The following NRG1 variants were observed in gnomAD, a reference collection of about 807,000 sequenced individuals.
NRG1 encodes the protein pro-neuregulin-1, membrane-bound isoform.
In NRG1, 18 loss-of-function variants were observed where a neutral mutation model predicts 63.8. That is an observed-to-expected ratio of 0.28 (90% CI 0.19 to 0.42). The LOEUF is 0.42. Ranked by LOEUF, NRG1 falls within the 10% of genes least tolerant of loss-of-function variation. NRG1 has a pLI of 1.00. For missense variants in NRG1, 762 were observed against 814.7 expected, an observed-to-expected ratio of 0.94 and a Z score of 0.79; for synonymous variants, 302 against 301.3, an observed-to-expected ratio of 1.00 and a Z score of -0.02.
intron 7 of NRG1, among the ~76,000 whole-genome samples, chr8:32,748,339 G>GCACACACACA (rs879033032): frequency 7.8e-6 from 1 of 128,356 alleles, no homozygotes; most frequent in African/African-American, 2.8e-5. Flanking sequence ...GCGCGCGCGC[G>GCACACACACA]CACACACACA....
chr8:32,271,780 C>T (rs1170874186), intron 1 of NRG1, among the ~76,000 whole-genome samples: 1 of 152,160 alleles, frequency 6.6e-6, no homozygotes, highest in African/African-American at 2.4e-5. Context: ...GTGTCCCTTA[C>T]TCTACAATCA....
chr8:32,462,274 C>T (rs549381143), intron 1 of NRG1, among the ~76,000 whole-genome samples: 3 of 152,158 alleles, frequency 2.0e-5, no homozygotes, highest in Admixed American at 6.5e-5. Flanking sequence ...TGAGTGACAA[C>T]AGTGCAGTAG....
At chr8:32,620,729 G>A (rs1166742971) in intron 5 of NRG1, among the ~76,000 whole-genome samples, 1 of 151,896 alleles carries the variant, frequency 6.6e-6, no homozygotes. Context: ...GGCTGAGGTG[G>A]GAGGATCACC....
At chr8:31,958,109 TTG>T (rs558121293) in intron 1 of NRG1, among the ~76,000 whole-genome samples, 1 of 127,824 alleles carries the variant, frequency 7.8e-6, no homozygotes, top group Non-Finnish European at 1.8e-5. Context: ...GCAGAGATGT[TTG>T]TGTGTGTGTT....
chr8:31,659,488 G>A (rs1255296418), intron 1 of NRG1, among the ~76,000 whole-genome samples: 2 of 152,074 alleles, frequency 1.3e-5, no homozygotes, highest in Non-Finnish European at 2.9e-5. Context: ...CCCCAGGGGC[G>A]AGGGGGGATA....
intron 1 of NRG1, among the ~76,000 whole-genome samples, chr8:32,342,461 A>G (rs1804194715): frequency 6.6e-6 from 1 of 152,088 alleles, no homozygotes; most frequent in Admixed American, 6.6e-5. Context: ...TACATTTCCT[A>G]CTGTTGTTAT....
At chr8:32,386,711 G>T (rs1811071803) in intron 1 of NRG1, among the ~76,000 whole-genome samples, 1 of 152,204 alleles carries the variant, frequency 6.6e-6, no homozygotes, top group Non-Finnish European at 1.5e-5. Context: ...GCCTGGAGAA[G>T]TAAGGAAGAC....
intron 1 of NRG1, among the ~76,000 whole-genome samples, chr8:32,168,953 C>T (rs1839693218): frequency 6.6e-6 from 1 of 152,156 alleles, no homozygotes; most frequent in Non-Finnish European, 1.5e-5. Context: ...TTTGAAGCCT[C>T]CCATCTAATG....
chr8:31,838,652 C>G (rs1037276228), intron 1 of NRG1, among the ~76,000 whole-genome samples: 1 of 152,150 alleles, frequency 6.6e-6, no homozygotes, highest in Non-Finnish European at 1.5e-5. Flanking sequence ...CTTTTACCAT[C>G]TATAATTTAG....
At chr8:32,196,378 A>C (rs1842954146) in intron 1 of NRG1, among the ~76,000 whole-genome samples, 1 of 152,176 alleles carries the variant, frequency 6.6e-6, no homozygotes, top group Non-Finnish European at 1.5e-5. Flanking sequence ...TGAGAGCTGC[A>C]GGCTGTCTTC....
intron 5 of NRG1, among the ~76,000 whole-genome samples, chr8:32,693,213 T>A (rs1308973994): frequency 1.3e-5 from 2 of 148,900 alleles, no homozygotes; most frequent in Non-Finnish European, 3.0e-5. Context: ...TATGGGTCAC[T>A]CTTTTTTTTT....
At chr8:31,831,400 G>T (rs1825149534) in intron 1 of NRG1, among the ~76,000 whole-genome samples, 1 of 151,654 alleles carries the variant, frequency 6.6e-6, no homozygotes, top group Non-Finnish European at 1.5e-5. Context: ...ACCGTGCCCA[G>T]CCCACATTCT....
At chr8:32,311,834 A>G (rs915843057) in intron 1 of NRG1, among the ~76,000 whole-genome samples, 3 of 152,218 alleles carry the variant, frequency 2.0e-5, no homozygotes, top group African/African-American at 4.8e-5. Flanking sequence ...GCTGCCCAGT[A>G]GAGAGGAAAG....
chr8:32,329,855 G>A (rs1016745225), intron 1 of NRG1, among the ~76,000 whole-genome samples: 1 of 94,882 alleles, frequency 1.1e-5, no homozygotes, highest in Admixed American at 9.6e-5. Context: ...TTAGGTTTTG[G>A]GGGGTTTTGG....
intron 1 of NRG1, among the ~76,000 whole-genome samples, chr8:32,210,212 T>C (rs1351719361): frequency 2.0e-5 from 3 of 152,168 alleles, no homozygotes; most frequent in East Asian, 1.9e-4. Flanking sequence ...TTTGTGTTTG[T>C]TTTTTGTTTT....
chr8:31,972,790 T>C (rs374831994), intron 1 of NRG1, among the ~76,000 whole-genome samples: 32 of 152,188 alleles, frequency 2.1e-4, no homozygotes, highest in African/African-American at 7.7e-4. Flanking sequence ...GCCATAACAG[T>C]GTGATTCTAC....
At chr8:32,070,661 C>G (rs969315291) in intron 1 of NRG1, among the ~76,000 whole-genome samples, 1 of 152,168 alleles carries the variant, frequency 6.6e-6, no homozygotes, top group Non-Finnish European at 1.5e-5. Flanking sequence ...CTCTCTGTTC[C>G]CATCTGTATC....
At chr8:31,868,715 G>A (rs1457322113) in intron 1 of NRG1, among the ~76,000 whole-genome samples, 1 of 152,162 alleles carries the variant, frequency 6.6e-6, no homozygotes, top group Non-Finnish European at 1.5e-5. Flanking sequence ...ACTGTCTGTT[G>A]CCTCACTGAA....
chr8:32,771,268 G>C (rs1024500496), downstream of NRG1, among the ~76,000 whole-genome samples: 1 of 138,596 alleles, frequency 7.2e-6, no homozygotes, highest in African/African-American at 2.7e-5. Context: ...GCTCCACCAT[G>C]CCCAGCGATT....
Sources: gnomAD v4.1 joint callset for allele counts (sites outside exome capture counted in the v4.1 genomes callset) on GRCh38, gnomAD v4.1.1 for gene constraint, MANE v1.5 for transcripts, NCBI Gene and HGNC (gene_info 2026-07-23, HGNC 2026-07-21) for gene names.